Variants in TTPAL observed in about 807,000 individuals in gnomAD.
TTPAL encodes alpha tocopherol transfer protein like.
Under a neutral mutation model 28.7 loss-of-function variants are expected in TTPAL, and 21 were observed. The observed-to-expected ratio is 0.73, with a 90% CI of 0.52 to 1.06. TTPAL has a LOEUF of 1.06. TTPAL is among the 50% of genes least tolerant of loss of function. TTPAL has a pLI of 0.00. For missense variants in TTPAL, 345 were observed against 425.5 expected (o/e 0.81, Z 1.67); for synonymous variants, 169 against 171.9 (o/e 0.98, Z 0.13).
At position 44,491,061 on chromosome 20, in the gene TTPAL, G is replaced by A. The variant is rs1255502603; in HGVS notation, c.*1520G>A. ...ACTGCACTCCAGCCTGGGCGACAGA[G>A]CAAGACTCTGCCTCAAAAAAAAAAA... On this transcript the variant is annotated 3_prime_UTR_variant, in exon 5 of 5. Transcript: ENST00000262605. 2 of 128,468 alleles carry A rather than the reference G, an allele frequency of 1.6e-5. No individual in the cohort carries two copies. Among genetic ancestry groups the A allele is most frequent in the Admixed American group, 1.9e-4 (2 of 10,718 alleles). 8.0% of individuals were successfully genotyped at this position (128,468 alleles called of 1,614,324 possible).
rs746033217 is a variant in TTPAL, at chr20:44,489,409, A to C, written c.897A>C (p.Lys299Asn). 3 of 1,614,034 alleles carry C rather than the reference A, an allele frequency of 1.9e-6. No homozygotes were observed. The highest frequency in any genetic ancestry group is 2.5e-6 in the Non-Finnish European group (3 of 1,180,028). Residue 299 changes from lysine to asparagine, a missense_variant, in exon 5 of 5, where the codon AAA (lysine) becomes AAC (asparagine). By Grantham distance (94) the Lys-to-Asn change is moderately conservative. Coordinates refer to ENST00000262605, the MANE Select transcript of TTPAL (RefSeq NM_001039199.3). ...VLLASEDDFV[K>N]EFCQPVPACD... ...TGGCTTCAGAAGACGATTTTGTGAA[A>C]GAGTTCTGCCAACCTGTTCCTGCCT...
intron 2 of TTPAL, among the ~76,000 whole-genome samples, chr20:44,482,871 T>A (rs2064119209): frequency 6.6e-6 from 1 of 152,106 alleles, no homozygotes; most frequent in Admixed American, 6.5e-5. Flanking sequence ...CTCAGCTTTT[T>A]TTTTGAGACA....
At position 44,479,221 on chromosome 20, in the gene TTPAL, A is replaced by G. The variant is rs577473725; in HGVS notation, c.-15-764A>G. 2.0e-5 allele frequency among the ~76,000 whole-genome samples: 3 copies of G among 152,280 alleles called. 1 individual carries two copies. The highest frequency in any genetic ancestry group is 7.2e-5 in the African/African-American group (3 of 41,564). On this transcript the variant is annotated intron_variant, in intron 1 of 4. Transcript: ENST00000262605. The stretch of plus-strand genomic sequence containing the variant: ...ATCAATACTTGTGAAGGCCATGTGC[A>G]TATTATGCATATATATACAAGTATA...
intron 1 of TTPAL, 110 bp downstream of exon 1, chr20:44,476,101 G>A (rs1213826175): frequency 6.6e-6 from 1 of 152,332 alleles, no homozygotes; most frequent in Non-Finnish European, 1.5e-5. Context: ...CCCAGGAAAT[G>A]GGGACACCTG....
Position 44,492,787 on chromosome 20 carries a change from A to G in TTPAL, c.*3246A>G, listed in dbSNP as rs1256096128. 6.6e-6 allele frequency: 1 copy of G among 152,300 alleles called. No homozygotes were observed. Among genetic ancestry groups the G allele is most frequent in the African/African-American group, 2.4e-5 (1 of 41,432 alleles). The allele number at this position is 152,300 out of a possible 1,614,324, so 9.4% of individuals were successfully genotyped here. ...GGGAGAGACTGGATGAAATCTACAA[A>G]AACAGCCAAAAGTGCCACCCTGGCT... On this transcript the variant is annotated 3_prime_UTR_variant, in exon 5 of 5. Transcript: ENST00000262605.
rs998920389 is a variant in TTPAL at position 44,493,604 on chromosome 20, T to C, written c.*4063T>C. ...TGTTAGCTAAACCAATTATATACTA[T>C]ATACTATACACTGTATCTCCTGTGG... On this transcript the variant is annotated 3_prime_UTR_variant, in exon 5 of 5. Coordinates refer to ENST00000262605, the MANE Select transcript of TTPAL (RefSeq NM_001039199.3). 2.0e-5 allele frequency: 3 copies of C among 152,388 alleles called. No homozygotes were observed. The highest frequency in any genetic ancestry group is 4.4e-5 in the Non-Finnish European group (3 of 68,042). The allele number at this position is 152,388 out of a possible 1,614,324, so 9.4% of individuals were successfully genotyped here.
chr20:44,489,271 C>G lies in TTPAL; in HGVS notation c.759C>G (p.Leu253=). The change falls in exon 5 of 5, where the codon CTC becomes CTG. Residue 253 remains leucine, a synonymous_variant. Transcript: ENST00000262605. ...ATTTCATTCCCTTTTAGTTCTTCCT[C>G]CATGGGTCTGACTTGAACTCTCTCC... The part of the protein sequence containing the change: ...LKEKIANRFF[L]HGSDLNSLHT... 2 of 1,612,808 alleles carry G rather than the reference C, an allele frequency of 1.2e-6. No individual in the cohort carries two copies. The highest frequency in any genetic ancestry group is 1.7e-6 in the Non-Finnish European group (2 of 1,178,892).
intron 1 of TTPAL, among the ~76,000 whole-genome samples, chr20:44,477,162 T>G (rs1466187913): frequency 6.6e-6 from 1 of 152,170 alleles, no homozygotes; most frequent in Non-Finnish European, 1.5e-5. Context: ...TGGGGTGCGA[T>G]GGAAAATGAG....
chr20:44,486,768 C>G (rs1251516083), intron 4 of TTPAL, 62 bp downstream of exon 4: 2 of 937,938 alleles, frequency 2.1e-6, no homozygotes, highest in East Asian at 5.2e-5. Flanking sequence ...TTTGTGACAT[C>G]TGGTACTTGT....
chr20:44,483,046 CAG>C (rs1156530505), intron 2 of TTPAL, among the ~76,000 whole-genome samples: 2 of 152,068 alleles, frequency 1.3e-5, no homozygotes, highest in African/African-American at 4.8e-5. Context: ...TCAGTAAAGA[CAG>C]GGTTTCACCA....
chr20:44,479,818 G>A (rs1424590161), intron 1 of TTPAL, 167 bp from the exon 2 acceptor site: 1 of 635,248 alleles, frequency 1.6e-6, no homozygotes, highest in African/African-American at 1.8e-5. Context: ...GCCGGCCTGG[G>A]GTCAGACTTG....
At chr20:44,486,745 C>T in intron 4 of TTPAL, 39 bp downstream of exon 4, 1 of 1,247,154 alleles carries the variant, frequency 8.0e-7, no homozygotes. Context: ...TTTTCTTTTC[C>T]TCTGTTGATT....
rs2064202802 is a variant in TTPAL at position 44,491,168 on chromosome 20, C to G, written c.*1627C>G. ...ATTCCTGGGTCACTTCTGGGCCCCC[C>G]TGCCCTCCCAGCCCCACTTGAGTTT... is the stretch of plus-strand genomic sequence containing the variant. On this transcript the variant is annotated 3_prime_UTR_variant, in exon 5 of 5. Transcript: ENST00000262605. 1 of 151,706 alleles carries G rather than the reference C, an allele frequency of 6.6e-6. No individual in the cohort carries two copies. 9.4% of individuals were successfully genotyped at this position (151,706 alleles called of 1,614,324 possible).
chr20:44,490,474 A>T lies in TTPAL; in HGVS notation c.*933A>T, dbSNP rs770690759. The T allele has an allele frequency of 6.6e-6, 1 of 152,332 alleles. No homozygotes were observed. The highest frequency in any genetic ancestry group is 1.5e-5 in the Non-Finnish European group (1 of 68,020). The allele number at this position is 152,332 out of a possible 1,614,324, so 9.4% of individuals were successfully genotyped here. On this transcript the variant is annotated 3_prime_UTR_variant, in exon 5 of 5. Transcript: ENST00000262605. ...ATTTGGTTTAGTTACTGAATGTTAG[A>T]TTTTCTGCCTAGAAAGATAACTATC...
chr20:44,479,670 A>G (rs1007033613), intron 1 of TTPAL, among the ~76,000 whole-genome samples: 12 of 152,024 alleles, frequency 7.9e-5, no homozygotes, highest in Non-Finnish European at 1.6e-4. Flanking sequence ...TATACATTAC[A>G]GTTGTTTTAA....
rs1399074126 is a variant in TTPAL, at chr20:44,492,007, G to A, written c.*2466G>A. 6.6e-6 allele frequency: 1 copy of A among 152,360 alleles called. No individual in the cohort carries two copies. The highest frequency in any genetic ancestry group is 2.4e-5 in the African/African-American group (1 of 41,452). The allele number at this position is 152,360 out of a possible 1,614,324, so 9.4% of individuals were successfully genotyped here. A position where few individuals can be genotyped will look rare whatever the true frequency, so the allele number is the denominator to read the frequency against. ...AGGTTTTTCCAGTTGGACAAGGAAG[G>A]AGTGGTTTCACTCAGCTTCTAGAAG... On this transcript the variant is annotated 3_prime_UTR_variant, in exon 5 of 5. Transcript: ENST00000262605.
chr20:44,480,428 C>T lies in TTPAL; in HGVS notation c.429C>T (p.Val143=), dbSNP rs776016703. 1.9e-6 allele frequency: 3 copies of T among 1,602,534 alleles called. No homozygotes were observed. Among genetic ancestry groups the T allele is most frequent in the Admixed American group, 1.7e-5 (1 of 59,406 alleles). ...ACACTGACCCCAGGGGCTGCCATGT[C>T]GTCTGCATCCGCCCAGGTATCTCCC... ...LPHTDPRGCH[V]VCIRPDRWIP... is the part of the protein sequence containing the mutation. The change falls in exon 2 of 5, where the codon GTC becomes GTT. Residue 143 remains valine, a synonymous_variant. Coordinates refer to ENST00000262605, the MANE Select transcript of TTPAL (RefSeq NM_001039199.3). This position sits in a 1 kb window ranked among gnomAD's most constrained non-coding sequence, Gnocchi z 4.1.
Position 44,489,428 on chromosome 20 carries a change from C to G in TTPAL, c.916C>G (p.Pro306Ala), listed in dbSNP as rs2064183633. ...DFVKEFCQPV[P>A]ACDSILGQTL... The stretch of plus-strand genomic sequence containing the variant: ...TGTGAAAGAGTTCTGCCAACCTGTT[C>G]CTGCCTGTGACAGCATCCTGGGCCA... The change falls in exon 5 of 5, where the codon CCT becomes GCT. Residue 306 changes from proline to alanine, a missense_variant. Pro to Ala is a conservative substitution (Grantham distance 27). Coordinates refer to ENST00000262605, the MANE Select transcript of TTPAL (RefSeq NM_001039199.3). 6.2e-7 allele frequency: 1 copy of G among 1,614,162 alleles called. No individual in the cohort carries two copies. The highest frequency in any genetic ancestry group is 2.2e-5 in the East Asian group (1 of 44,878).
Position 44,491,451 on chromosome 20 carries a change from A to G in TTPAL, c.*1910A>G, listed in dbSNP as rs1011175634. On this transcript the variant is annotated 3_prime_UTR_variant, in exon 5 of 5. Transcript: ENST00000262605. ...AGACAGCTCAGTTAGGGAGAAAACA[A>G]TACTCTGAAATTTGAAGGCCAATCT... is the stretch of plus-strand genomic sequence containing the variant. The G allele has an allele frequency of 6.6e-6, 1 of 152,350 alleles. No individual in the cohort carries two copies. Among genetic ancestry groups the G allele is most frequent in the African/African-American group, 2.4e-5 (1 of 41,466 alleles). 9.4% of individuals were successfully genotyped at this position (152,350 alleles called of 1,614,324 possible). A position where few individuals can be genotyped will look rare whatever the true frequency, so the allele number is the denominator to read the frequency against.
Sources: allele counts gnomAD v4.1 joint callset (sites outside exome capture counted in the v4.1 genomes callset), GRCh38; gene constraint gnomAD v4.1.1; non-coding constraint Gnocchi (gnomAD v3.1); transcripts MANE v1.5; gene names NCBI Gene and HGNC (gene_info 2026-07-23, HGNC 2026-07-21).